The following C6orf62 variants were observed in gnomAD, a reference collection of about 807,000 sequenced individuals.
The protein encoded by C6orf62 is uncharacterized protein C6orf62.
In C6orf62, 16 loss-of-function variants were observed where a neutral mutation model predicts 26.8. That is an observed-to-expected ratio of 0.60 (90% CI 0.40 to 0.91). C6orf62 has a LOEUF of 0.91. C6orf62 is among the 40% of genes least tolerant of loss of function. The probability of loss-of-function intolerance (pLI) is 0.00; values close to 1 mark genes in which losing one functional copy is unlikely to be tolerated. For missense variants in C6orf62, 192 were observed against 271.4 expected, an observed-to-expected ratio of 0.71 and a Z score of 2.06; for synonymous variants, 112 against 91.5, an observed-to-expected ratio of 1.22 and a Z score of -1.28.
chr6:24,715,821 C>A (rs927226286), intron 2 of C6orf62, among the ~76,000 whole-genome samples: 1 of 142,938 alleles, frequency 7.0e-6, no homozygotes, highest in Non-Finnish European at 1.5e-5. Context: ...TGCACTCTAG[C>A]CTCAGCGAAA....
rs1399605907 is a variant in C6orf62 at position 24,705,339 on chromosome 6, CAAA to C, written c.*795_*797del. On this transcript the variant is annotated 3_prime_UTR_variant, in exon 5 of 5. Coordinates refer to ENST00000378119, the MANE Select transcript of C6orf62 (RefSeq NM_030939.5). ...AAAAACAAAACAAAACAAAACAAAACAAAACCAAAAGAAAAGTCCTCTACCTAT... is the reference window on the plus strand; with the variant it reads ...AAAAACAAAACAAAACAAAACAAAACACCAAAAGAAAAGTCCTCTACCTAT... The C allele has an allele frequency of 6.6e-6, 1 of 152,504 alleles. No individual in the cohort carries two copies. The highest frequency in any genetic ancestry group is 1.9e-4 in the East Asian group (1 of 5,174). The allele number at this position is 152,504 out of a possible 1,614,324, so 9.4% of individuals were successfully genotyped here. A position where few individuals can be genotyped will look rare whatever the true frequency, so the allele number is the denominator to read the frequency against.
At position 24,717,658 on chromosome 6, in the gene C6orf62, G is replaced by A. The variant is rs373226877; in HGVS notation, c.129+882C>T. 3.3e-5 allele frequency among the ~76,000 whole-genome samples: 5 copies of A among 152,178 alleles called. No homozygotes were observed. In the South Asian group the frequency reaches 1.0e-3, roughly 32 times the overall value. On this transcript the variant is annotated intron_variant, in intron 1 of 4. Coordinates refer to ENST00000378119, the MANE Select transcript of C6orf62 (RefSeq NM_030939.5). ...AAAAATAATAAGAGTTAAACAGTAG[G>A]GGGAAACCTGGAAAACTTCCAGATA... is the stretch of plus-strand genomic sequence containing the variant.
In C6orf62 at chr6:24,714,545, A is replaced by G. The variant is rs1581398192; in HGVS notation, c.307-105T>C. On this transcript the variant is annotated intron_variant, in intron 2 of 4. Coordinates refer to ENST00000378119, the MANE Select transcript of C6orf62 (RefSeq NM_030939.5). ...CCTATAAAAACATTTTATAAGTACA[A>G]AAGATCTACCATATATCATTTTATA... 1.6e-5 allele frequency: 12 copies of G among 742,110 alleles called. No individual in the cohort carries two copies. In the East Asian group the frequency reaches 3.3e-4, roughly 20 times the overall value. The allele number at this position is 742,110 out of a possible 1,614,324, so 46.0% of individuals were successfully genotyped here.
At chr6:24,719,643 C>T (rs935599093), upstream of C6orf62, 9 of 1,441,998 alleles carry the variant, frequency 6.2e-6, no homozygotes, top group Non-Finnish European at 8.2e-6. Flanking sequence ...TCCCAACACC[C>T]CCAGCCTGCA....
In C6orf62 at chr6:24,709,713, A is replaced by C. The variant is rs373243743; in HGVS notation, c.430-802T>G. The C allele has an allele frequency of 1.6e-5, 16 of 985,342 alleles. No homozygotes were observed. In the African/African-American group the frequency reaches 2.6e-4, roughly 16 times the overall value. 61.0% of individuals were successfully genotyped at this position (985,342 alleles called of 1,614,324 possible). A position where few individuals can be genotyped will look rare whatever the true frequency, so the allele number is the denominator to read the frequency against. On this transcript the variant is annotated intron_variant, in intron 3 of 4. Coordinates refer to ENST00000378119, the MANE Select transcript of C6orf62 (RefSeq NM_030939.5). ...TCAATTAAGTCAGAACACTCCCTTC[A>C]ATCTTTTAACATGAGGAAGATCAAC...
rs1377632055 is a variant in C6orf62 at position 24,705,932 on chromosome 6, A to G, written c.*205T>C. The G allele has an allele frequency of 1.6e-6, 1 of 610,804 alleles. No individual in the cohort carries two copies. The highest frequency in any genetic ancestry group is 3.2e-5 in the East Asian group (1 of 30,950). The allele number at this position is 610,804 out of a possible 1,614,324, so 37.8% of individuals were successfully genotyped here. On this transcript the variant is annotated 3_prime_UTR_variant, in exon 5 of 5. Transcript: ENST00000378119. ...AAATATGCAAAGCATCTTCTTTCAC[A>G]CAGTCCGTGCACGACATCTAATTTT...
chr6:24,713,417 T>C (rs1377118992), intron 3 of C6orf62, among the ~76,000 whole-genome samples: 1 of 152,168 alleles, frequency 6.6e-6, no homozygotes, highest in African/African-American at 2.4e-5. Context: ...GTATATCAAT[T>C]TATACAGTCT....
rs1488668056 is a variant in C6orf62, at chr6:24,710,597, A to AG, written c.430-1687dup. The AG allele has an allele frequency of 4.1e-6, 4 of 969,522 alleles. No homozygotes were observed. The East Asian group carries it at 4.6e-4, about 111-fold the overall frequency. The allele number at this position is 969,522 out of a possible 1,614,324, so 60.1% of individuals were successfully genotyped here. ...GTTCTTATCATCAAACCACTATAGG[A>AG]GAAAAAAAAAAAAGTAACAGTAAGT... On this transcript the variant is annotated intron_variant, in intron 3 of 4. Coordinates refer to ENST00000378119, the MANE Select transcript of C6orf62 (RefSeq NM_030939.5).
Position 24,709,144 on chromosome 6 carries a change from C to T in C6orf62, c.430-233G>A, listed in dbSNP as rs1029464887. 49 of 964,518 alleles carry T rather than the reference C, an allele frequency of 5.1e-5. 1 individual carries two copies. The highest frequency in any genetic ancestry group is 1.6e-4 in the African/African-American group (9 of 56,878). The allele number at this position is 964,518 out of a possible 1,614,324, so 59.7% of individuals were successfully genotyped here. A position where few individuals can be genotyped will look rare whatever the true frequency, so the allele number is the denominator to read the frequency against. ...CACTAGCCACATTTCAAATGCTCAA[C>T]GGTCACATGACTACTGGCCACCATT... On this transcript the variant is annotated intron_variant, in intron 3 of 4. Transcript: ENST00000378119.
chr6:24,718,825 T>A lies in C6orf62; in HGVS notation c.-157A>T. 1 of 1,493,870 alleles carries A rather than the reference T, an allele frequency of 6.7e-7. No individual in the cohort carries two copies. The allele number at this position is 1,493,870 out of a possible 1,614,324, so 92.5% of individuals were successfully genotyped here. ...ACTATAACCCAAAAACTGCACCTTC[T>A]GTCAATATTAGCAGACTGTCATATT... is the stretch of plus-strand genomic sequence containing the variant. On this transcript the variant is annotated 5_prime_UTR_variant, in exon 1 of 5. Coordinates refer to ENST00000378119, the MANE Select transcript of C6orf62 (RefSeq NM_030939.5).
chr6:24,718,699 G>A lies in C6orf62; in HGVS notation c.-31C>T, dbSNP rs1380332630. The A allele has an allele frequency of 6.2e-7, 1 of 1,608,792 alleles. No individual in the cohort carries two copies. Among genetic ancestry groups the A allele is most frequent in the Non-Finnish European group, 8.5e-7 (1 of 1,178,848 alleles). ...AATACAGGTGGTACTAAAGCCTTTG[G>A]AAATTGTCACTAAACTATGGGCACT... is the stretch of plus-strand genomic sequence containing the variant. On this transcript the variant is annotated 5_prime_UTR_variant, in exon 1 of 5. Transcript: ENST00000378119.
chr6:24,714,620 ATTTT>A (rs1779188255), intron 2 of C6orf62, among the ~76,000 whole-genome samples, 180 bp from the exon 3 acceptor site: 1 of 152,062 alleles, frequency 6.6e-6, no homozygotes, highest in Non-Finnish European at 1.5e-5. Context: ...TCATGATGTA[ATTTT>A]TTATTTTTGG....
chr6:24,715,674 C>G (rs1779210657), intron 2 of C6orf62, among the ~76,000 whole-genome samples: 1 of 151,836 alleles, frequency 6.6e-6, no homozygotes, highest in Admixed American at 6.6e-5. Flanking sequence ...TGGCAAAACC[C>G]CATCTCTACT....
chr6:24,708,099 G>C (rs1779047379), intron 4 of C6orf62, among the ~76,000 whole-genome samples: 1 of 152,070 alleles, frequency 6.6e-6, no homozygotes, highest in Non-Finnish European at 1.5e-5. Context: ...ACTCTGATTA[G>C]TAGAGCCTGA....
chr6:24,719,793 G>T, upstream of C6orf62: 1 of 1,547,542 alleles, frequency 6.5e-7, no homozygotes, highest in South Asian at 1.2e-5. Context: ...GCGGTGCCCG[G>T]AGACCACCTG....
intron 4 of C6orf62, chr6:24,706,870 A>G (rs1331240783): frequency 6.6e-6 from 1 of 152,402 alleles, no homozygotes; most frequent in African/African-American, 2.4e-5. Context: ...TCCATATGCC[A>G]GTGTACTCCA....
chr6:24,716,012 A>G, intron 2 of C6orf62, 136 bp downstream of exon 2: 3 of 690,502 alleles, frequency 4.3e-6, no homozygotes, highest in East Asian at 2.5e-5. Context: ...AGTTATCAAC[A>G]TGGCACAAAG....
At chr6:24,717,828 T>G in intron 1 of C6orf62, among the ~76,000 whole-genome samples, 1 of 152,224 alleles carries the variant, frequency 6.6e-6, no homozygotes, top group Non-Finnish European at 1.5e-5. Context: ...AAATGTTCAT[T>G]TTAAGTTGCA....
At chr6:24,720,013 G>GGGGGGGGGCCCCCC, upstream of C6orf62, 1 of 1,479,416 alleles carries the variant, frequency 6.8e-7, no homozygotes, top group Non-Finnish European at 9.0e-7. Flanking sequence ...TCTAAAGTAA[G>GGGGGGGGGCCCCCC]CCCACCCACC....
Sources: gnomAD v4.1 joint callset for allele counts (sites outside exome capture counted in the v4.1 genomes callset) on GRCh38, gnomAD v4.1.1 for gene constraint, MANE v1.5 for transcripts, NCBI Gene and HGNC (gene_info 2026-07-23, HGNC 2026-07-21) for gene names.